The following ATG7 variants were observed in gnomAD, a reference collection of about 807,000 sequenced individuals.
ATG7 encodes autophagy related 7.
A neutral mutation model predicts 82.4 loss-of-function variants in ATG7; 70 were observed. The observed-to-expected ratio is 0.85, with a 90% CI of 0.70 to 1.04. The LOEUF (loss-of-function observed/expected upper bound fraction) is 1.04. Ranked by LOEUF, ATG7 falls within the 50% of genes least tolerant of loss-of-function variation. The pLI, the probability that ATG7 is intolerant of heterozygous loss-of-function variation, is 0.00. For missense variants in ATG7, 792 were observed against 864.3 expected, an observed-to-expected ratio of 0.92 and a Z score of 1.05; for synonymous variants, 287 against 313.0, an observed-to-expected ratio of 0.92 and a Z score of 0.88.
intron 20 of ATG7, among the ~76,000 whole-genome samples, chr3:11,442,138 C>T (rs1437859415): frequency 5.3e-5 from 8 of 152,188 alleles, no homozygotes; most frequent in African/African-American, 1.9e-4. Context: ...TGTGGAAATA[C>T]AATGTTATCA....
intron 19 of ATG7, among the ~76,000 whole-genome samples, chr3:11,415,152 G>C (rs2081260017): frequency 1.3e-5 from 2 of 152,190 alleles, no homozygotes. Flanking sequence ...ACAACGGTAA[G>C]TACTTGTGTA....
At chr3:11,458,104 C>G (rs949184125) in intron 20 of ATG7, among the ~76,000 whole-genome samples, 1 of 151,978 alleles carries the variant, frequency 6.6e-6, no homozygotes, top group Non-Finnish European at 1.5e-5. Flanking sequence ...GTCTTGTTTT[C>G]AAAACAGCCC....
At chr3:11,537,440 C>T (rs930826086) in intron 20 of ATG7, among the ~76,000 whole-genome samples, 3 of 152,178 alleles carry the variant, frequency 2.0e-5, no homozygotes, top group Non-Finnish European at 4.4e-5. Flanking sequence ...GGCTGATCAG[C>T]GAGAGCCAAA....
At chr3:11,575,009 G>GATCTTTGC in the ATG7 span, among the ~76,000 whole-genome samples, 1 of 152,112 alleles carries the variant, frequency 6.6e-6, no homozygotes, top group African/African-American at 2.4e-5. Context: ...TAAAGCCGCA[G>GATCTTTGC]ATCTTTTCAT....
chr3:11,563,782 C>T, the ATG7 span, among the ~76,000 whole-genome samples: 151 of 152,156 alleles, frequency 9.9e-4, 1 homozygote, highest in Non-Finnish European at 1.5e-3. Context: ...ATGGATGAAT[C>T]AAACAAACAG....
At chr3:11,286,655 A>T (rs550916199) in intron 3 of ATG7, among the ~76,000 whole-genome samples, 10 of 124,576 alleles carry the variant, frequency 8.0e-5, no homozygotes, top group African/African-American at 3.2e-4. Context: ...CAGTGGTGCC[A>T]TCTTGCCACC....
At chr3:11,276,455 C>T (rs1312215463) in intron 1 of ATG7, among the ~76,000 whole-genome samples, 1 of 152,178 alleles carries the variant, frequency 6.6e-6, no homozygotes, top group Non-Finnish European at 1.5e-5. Flanking sequence ...CAAAAACCCT[C>T]CAATTAACCT....
chr3:11,360,954 G>A (rs545573268), intron 16 of ATG7, among the ~76,000 whole-genome samples, 170 bp downstream of exon 16: 19 of 152,252 alleles, frequency 1.2e-4, no homozygotes, highest in Non-Finnish European at 2.1e-4. Context: ...CTTGACTGGC[G>A]TCATCAACTG....
chr3:11,491,384 T>G (rs2090339331), intron 20 of ATG7, among the ~76,000 whole-genome samples: 1 of 152,340 alleles, frequency 6.6e-6, no homozygotes, highest in Non-Finnish European at 1.5e-5. Context: ...TAAATTTTTT[T>G]CAAAGTTTTC....
At chr3:11,510,457 C>G (rs1037193079) in intron 20 of ATG7, 3 of 366,220 alleles carry the variant, frequency 8.2e-6, no homozygotes, top group Non-Finnish European at 1.6e-5. Flanking sequence ...TCCCCACCCC[C>G]TCCCCCATCC....
intron 20 of ATG7, among the ~76,000 whole-genome samples, chr3:11,511,189 A>G (rs2092033563): frequency 6.6e-6 from 1 of 152,188 alleles, no homozygotes; most frequent in African/African-American, 2.4e-5. Context: ...GCGGGTTGCC[A>G]ATGCTGGCTC....
intron 11 of ATG7, among the ~76,000 whole-genome samples, chr3:11,333,349 C>T (rs1359607298): frequency 6.6e-6 from 1 of 152,088 alleles, no homozygotes; most frequent in African/African-American, 2.4e-5. Flanking sequence ...CCCCTCTGCT[C>T]CCCCCGTTTT....
At chr3:11,289,146 C>T (rs948629270) in intron 3 of ATG7, among the ~76,000 whole-genome samples, 2 of 152,166 alleles carry the variant, frequency 1.3e-5, no homozygotes, top group African/African-American at 4.8e-5. Flanking sequence ...GTGATAGAAA[C>T]AATCCTTTAT....
At chr3:11,563,972 G>C in the ATG7 span, among the ~76,000 whole-genome samples, 3 of 152,170 alleles carry the variant, frequency 2.0e-5, no homozygotes, top group Admixed American at 6.5e-5. Context: ...TGAGGCCACA[G>C]GGACACAGAG....
intron 20 of ATG7, among the ~76,000 whole-genome samples, chr3:11,547,894 G>A (rs1022981123): frequency 1.3e-5 from 2 of 152,142 alleles, no homozygotes; most frequent in African/African-American, 4.8e-5. Flanking sequence ...TTGCTGGAGT[G>A]TAAGTGGCAT....
chr3:11,403,335 C>T (rs1349745573), intron 19 of ATG7, among the ~76,000 whole-genome samples: 1 of 144,918 alleles, frequency 6.9e-6, no homozygotes, highest in Non-Finnish European at 1.5e-5. Context: ...CAAGGGTTTT[C>T]TTTTTTTTTT....
intron 20 of ATG7, among the ~76,000 whole-genome samples, chr3:11,439,616 T>C (rs2083690718): frequency 6.6e-6 from 1 of 152,136 alleles, no homozygotes; most frequent in Admixed American, 6.5e-5. Context: ...GGAAAGTCAC[T>C]AGGACTGCAA....
chr3:11,517,346 AAAAAAGAAAAGAAAAG>A (rs1315659427), intron 20 of ATG7, among the ~76,000 whole-genome samples: 1 of 149,234 alleles, frequency 6.7e-6, no homozygotes. Flanking sequence ...CCTCAAAAAA[AAAAAAGAAAAGAAAAG>A]AAAAGAAAAA....
chr3:11,420,948 G>A (rs992733848), intron 19 of ATG7, among the ~76,000 whole-genome samples: 6 of 151,854 alleles, frequency 4.0e-5, no homozygotes, highest in African/African-American at 1.4e-4. Flanking sequence ...GTAGAGATGG[G>A]GTTTCACCGT....
Sources: allele counts gnomAD v4.1 joint callset (sites outside exome capture counted in the v4.1 genomes callset), GRCh38; gene constraint gnomAD v4.1.1; transcripts MANE v1.5; gene names NCBI Gene and HGNC (gene_info 2026-07-23, HGNC 2026-07-21).